The following EYA3 variants were observed in gnomAD, a reference collection of about 807,000 sequenced individuals.
The protein encoded by EYA3 is protein phosphatase EYA3.
A neutral mutation model predicts 80.0 loss-of-function variants in EYA3; 39 were observed. The ratio of observed to expected loss-of-function variants is 0.49; its 90% CI spans 0.38 to 0.64. EYA3 has a LOEUF of 0.64. EYA3 is among the 30% of genes least tolerant of loss of function. EYA3 has a pLI of 0.00. For missense variants in EYA3, 523 were observed against 676.1 expected (o/e 0.77, Z 2.51); for synonymous variants, 206 against 232.8 (o/e 0.88, Z 1.05).
intron 17 of EYA3, 139 bp from the exon 18 acceptor site, chr1:27,974,685 T>C: frequency 3.3e-6 from 2 of 599,168 alleles, no homozygotes; most frequent in Non-Finnish European, 3.0e-6. Flanking sequence ...AGGGCTGTTA[T>C]AATGATCAAA....
chr1:28,051,088 G>T (rs1277112993), intron 2 of EYA3, among the ~76,000 whole-genome samples: 1 of 152,100 alleles, frequency 6.6e-6, no homozygotes, highest in East Asian at 1.9e-4. Context: ...AAGGAATTGG[G>T]GCCATACCAG....
chr1:28,074,247 G>A (rs796866579), intron 1 of EYA3, among the ~76,000 whole-genome samples: 57 of 152,168 alleles, frequency 3.7e-4, no homozygotes, highest in African/African-American at 1.3e-3. Flanking sequence ...TGAAATGGTG[G>A]AAGAATTCTA....
intron 1 of EYA3, among the ~76,000 whole-genome samples, chr1:28,071,499 C>T (rs1054111308): frequency 8.5e-5 from 13 of 152,082 alleles, no homozygotes; most frequent in African/African-American, 2.4e-4. Flanking sequence ...ATATCAAGAA[C>T]GTTGATAAAC....
chr1:28,081,807 T>G (rs1645440250), intron 1 of EYA3, among the ~76,000 whole-genome samples: 1 of 152,212 alleles, frequency 6.6e-6, no homozygotes, highest in Non-Finnish European at 1.5e-5. Context: ...ACGGTGCTGA[T>G]AGCAACTACC....
intron 1 of EYA3, among the ~76,000 whole-genome samples, chr1:28,073,076 G>C (rs1466724854): frequency 8.2e-6 from 1 of 121,248 alleles, no homozygotes; most frequent in African/African-American, 3.3e-5. Context: ...GAGGCACAAG[G>C]GATCCTTTTT....
At chr1:28,048,284 C>A (rs1644102580) in intron 3 of EYA3, 99 bp downstream of exon 3, 24 of 702,422 alleles carry the variant, frequency 3.4e-5, no homozygotes, top group South Asian at 2.2e-4. Context: ...TGGTAAGAAC[C>A]AAAAAGAGGG....
At chr1:28,050,328 G>A (rs1644199723) in intron 2 of EYA3, among the ~76,000 whole-genome samples, 1 of 151,654 alleles carries the variant, frequency 6.6e-6, no homozygotes, top group Non-Finnish European at 1.5e-5. Context: ...GAGTAGCAGG[G>A]ACCACAGGTG....
intron 1 of EYA3, among the ~76,000 whole-genome samples, chr1:28,059,807 G>A (rs1410741081): frequency 3.4e-5 from 5 of 145,340 alleles, no homozygotes; most frequent in Admixed American, 1.5e-4. Flanking sequence ...TGCAACCTCC[G>A]TCTCCCGGGT....
At chr1:28,023,082 TGGGGGG>T (rs71586820) in intron 7 of EYA3, among the ~76,000 whole-genome samples, 32 of 147,018 alleles carry the variant, frequency 2.2e-4, no homozygotes, top group East Asian at 1.9e-4. Context: ...AAGTGCTGGG[TGGGGGG>T]GGGGGGGAAA....
intron 17 of EYA3, among the ~76,000 whole-genome samples, chr1:27,976,787 G>A (rs1289069710): frequency 6.6e-6 from 1 of 151,982 alleles, no homozygotes; most frequent in African/African-American, 2.4e-5. Flanking sequence ...GCACGATCTC[G>A]GCTCACTGCA....
In EYA3 at chr1:27,973,152, A is replaced by G. The variant is rs995900578; in HGVS notation, c.*1314T>C. On this transcript the variant is annotated 3_prime_UTR_variant, in exon 18 of 18. Transcript: ENST00000373871. ...ATTTAAATACAGCAATCTGCTCTTC[A>G]GTTTCAGGCAGAGATCTGGGTAAAT... 1 of 152,232 alleles carries G rather than the reference A, an allele frequency of 6.6e-6. No homozygotes were observed. Among genetic ancestry groups the G allele is most frequent in the African/African-American group, 2.4e-5 (1 of 41,452 alleles). 9.4% of individuals were successfully genotyped at this position (152,232 alleles called of 1,614,324 possible).
chr1:28,062,919 T>C (rs1193639574), intron 1 of EYA3, among the ~76,000 whole-genome samples: 2 of 151,438 alleles, frequency 1.3e-5, no homozygotes, highest in East Asian at 3.9e-4. Flanking sequence ...GGAAAACTGC[T>C]TAAACTCAGA....
At chr1:28,050,212 A>C (rs1218011948) in intron 2 of EYA3, among the ~76,000 whole-genome samples, 2 of 140,352 alleles carry the variant, frequency 1.4e-5, no homozygotes, top group Non-Finnish European at 3.1e-5. Flanking sequence ...ATTTTTTTTG[A>C]GACAGGGTCT....
At chr1:28,057,425 A>G (rs1270262804) in intron 2 of EYA3, among the ~76,000 whole-genome samples, 2 of 152,166 alleles carry the variant, frequency 1.3e-5, no homozygotes, top group African/African-American at 4.8e-5. Flanking sequence ...AGTTATCTTA[A>G]AAGAATGACA....
intron 1 of EYA3, among the ~76,000 whole-genome samples, chr1:28,072,468 G>C (rs938672624): frequency 2.6e-5 from 4 of 151,968 alleles, no homozygotes; most frequent in Non-Finnish European, 5.9e-5. Context: ...CCTGGGGGAA[G>C]GGTGGGAATA....
chr1:28,081,418 G>C (rs1645424087), intron 1 of EYA3, among the ~76,000 whole-genome samples: 1 of 152,138 alleles, frequency 6.6e-6, no homozygotes, highest in Non-Finnish European at 1.5e-5. Flanking sequence ...AATTATCACA[G>C]ATGTTTCCTA....
Position 28,030,067 on chromosome 1 carries a change from A to G in EYA3, c.362-2141T>C, listed in dbSNP as rs115950874. On this transcript the variant is annotated intron_variant, in intron 6 of 17. Coordinates refer to ENST00000373871, the MANE Select transcript of EYA3 (RefSeq NM_001990.4). ...TTCAAACTCAACATTAACTCATCTC[A>G]TTTATTTGCTCCTACTCTGATAAAC... Among the ~76,000 whole-genome samples the G allele has an allele frequency of 3.0e-3, 462 of 152,268 alleles. 2 individuals are homozygous for G. The highest frequency in any genetic ancestry group is 0.01 in the African/African-American group (427 of 41,562).
intron 1 of EYA3, among the ~76,000 whole-genome samples, chr1:28,079,572 A>G (rs1371658018): frequency 6.6e-6 from 1 of 152,192 alleles, no homozygotes; most frequent in Non-Finnish European, 1.5e-5. Flanking sequence ...GATTCTAACG[A>G]TAGAAGCTCA....
chr1:27,974,242 C>A lies in EYA3; in HGVS notation c.*224G>T. The A allele has an allele frequency of 2.9e-6, 1 of 347,092 alleles. No homozygotes were observed. Among genetic ancestry groups the A allele is most frequent in the Non-Finnish European group, 5.4e-6 (1 of 185,292 alleles). 21.5% of individuals were successfully genotyped at this position (347,092 alleles called of 1,614,324 possible). ...TTGGTTCTGATTGTGTTCTCGCCAG[C>A]ATTCCATGGATAAAGACAGAGAGAG... is the stretch of plus-strand genomic sequence containing the variant. On this transcript the variant is annotated 3_prime_UTR_variant, in exon 18 of 18. Transcript: ENST00000373871.
Sources: gnomAD v4.1 joint callset for allele counts (sites outside exome capture counted in the v4.1 genomes callset) on GRCh38, gnomAD v4.1.1 for gene constraint, MANE v1.5 for transcripts, NCBI Gene and HGNC (gene_info 2026-07-23, HGNC 2026-07-21) for gene names.